The following STK17B variants were observed in gnomAD, a reference collection of about 807,000 sequenced individuals.
STK17B encodes serine/threonine kinase 17b.
A neutral mutation model predicts 42.0 loss-of-function variants in STK17B; 21 were observed. The observed-to-expected ratio is 0.50, with a 90% CI of 0.35 to 0.72. STK17B has a LOEUF of 0.72. Ranked by LOEUF, STK17B falls within the 30% of genes least tolerant of loss-of-function variation. The pLI is 0.00. For missense variants in STK17B, 349 were observed against 446.0 expected (o/e 0.78, Z 1.96); for synonymous variants, 143 against 148.4 (o/e 0.96, Z 0.26).
At chr2:196,152,776 T>C (rs1259688005) in intron 3 of STK17B, among the ~76,000 whole-genome samples, 2 of 152,180 alleles carry the variant, frequency 1.3e-5, no homozygotes, top group African/African-American at 2.4e-5. Context: ...CAAGTTTGCT[T>C]ATATATGCAA....
In STK17B at chr2:196,171,374, G is replaced by A. The variant is rs2105720731; in HGVS notation, c.-86C>T. 2 of 152,540 alleles carry A rather than the reference G, an allele frequency of 1.3e-5. No homozygotes were observed. Among genetic ancestry groups the A allele is most frequent in the Admixed American group, 6.5e-5 (1 of 15,314 alleles). 9.4% of individuals were successfully genotyped at this position (152,540 alleles called of 1,614,324 possible). ...GGTTCTCCCGGGACTGCCCCCTCCA[G>A]GGGGCCGCTGTCCCGCCCCACGCCG... is the stretch of plus-strand genomic sequence containing the variant. On this transcript the variant is annotated 5_prime_UTR_variant, in exon 1 of 8. Transcript: ENST00000263955.
chr2:196,158,357 T>C (rs1699766254), intron 2 of STK17B, among the ~76,000 whole-genome samples: 1 of 152,224 alleles, frequency 6.6e-6, no homozygotes, highest in Non-Finnish European at 1.5e-5. Flanking sequence ...AACTATAATT[T>C]GACTCTTCTA....
intron 1 of STK17B, among the ~76,000 whole-genome samples, chr2:196,170,559 A>C (rs1699926924): frequency 6.6e-6 from 1 of 152,322 alleles, no homozygotes; most frequent in African/African-American, 2.4e-5. Context: ...GCCTCTTTCA[A>C]CTTTGTCTCT....
In STK17B at chr2:196,139,581, A is replaced by G. The variant is rs1479187452; in HGVS notation, c.836+39T>C. On this transcript the variant is annotated intron_variant, in intron 7 of 7. Coordinates refer to ENST00000263955, the MANE Select transcript of STK17B (RefSeq NM_004226.4). ...TTATTCTGTAATAGTATTTAAACAA[A>G]TTAAATTTGTAATAGTATTTAAACA... is the stretch of plus-strand genomic sequence containing the variant. The G allele has an allele frequency of 5.6e-6, 7 of 1,257,164 alleles. No individual in the cohort carries two copies. In the South Asian group the frequency reaches 2.0e-4, roughly 36 times the overall value. 77.9% of individuals were successfully genotyped at this position (1,257,164 alleles called of 1,614,324 possible). A position where few individuals can be genotyped will look rare whatever the true frequency, so the allele number is the denominator to read the frequency against.
intron 7 of STK17B, 116 bp from the exon 8 acceptor site, chr2:196,137,845 A>G: frequency 8.6e-7 from 1 of 1,163,882 alleles, no homozygotes; most frequent in South Asian, 1.6e-5. Flanking sequence ...ACATACTCAT[A>G]GTATAAAATC....
intron 1 of STK17B, among the ~76,000 whole-genome samples, chr2:196,165,245 A>G (rs1699862662): frequency 6.6e-6 from 1 of 152,212 alleles, no homozygotes; most frequent in Non-Finnish European, 1.5e-5. Flanking sequence ...GAAGGCAGCC[A>G]TCTACAAGCC....
At position 196,171,415 on chromosome 2, in the gene STK17B, C is replaced by G. The variant is rs1468510314; in HGVS notation, c.-127G>C. ...CCCCACGCCGGGGGCCGCCACAGGA[C>G]GAGTTCTCTAGCTCCAGCCGGGCGA... On this transcript the variant is annotated 5_prime_UTR_variant, in exon 1 of 8. Coordinates refer to ENST00000263955, the MANE Select transcript of STK17B (RefSeq NM_004226.4). 1 of 152,386 alleles carries G rather than the reference C, an allele frequency of 6.6e-6. No homozygotes were observed. Among genetic ancestry groups the G allele is most frequent in the Non-Finnish European group, 1.5e-5 (1 of 68,206 alleles). 9.4% of individuals were successfully genotyped at this position (152,386 alleles called of 1,614,324 possible). A position where few individuals can be genotyped will look rare whatever the true frequency, so the allele number is the denominator to read the frequency against.
At position 196,138,520 on chromosome 2, in the gene STK17B, G is replaced by A. The variant is rs4850666; in HGVS notation, c.837-791C>T. 0.02 allele frequency among the ~76,000 whole-genome samples: 2,990 copies of A among 151,832 alleles called. 258 individuals carry two copies. In the East Asian group the frequency reaches 0.27, roughly 14 times the overall value. ...GGATGAGTTACTAGTAAAGCTAGTG[G>A]GTCTTTATATTTTGAAAGACGGTGC... is the stretch of plus-strand genomic sequence containing the variant. On this transcript the variant is annotated intron_variant, in intron 7 of 7. Transcript: ENST00000263955.
At chr2:196,141,180 C>A in intron 6 of STK17B, 69 bp downstream of exon 6, 1 of 1,201,046 alleles carries the variant, frequency 8.3e-7, no homozygotes, top group South Asian at 1.4e-5. Context: ...CTCTTGGAGT[C>A]AAAGAACCCC....
At chr2:196,166,760 G>T (rs1699878682) in intron 1 of STK17B, among the ~76,000 whole-genome samples, 1 of 152,150 alleles carries the variant, frequency 6.6e-6, no homozygotes, top group Non-Finnish European at 1.5e-5. Context: ...AATGCAGAAA[G>T]CAAGTGTGAT....
intron 1 of STK17B, 94 bp downstream of exon 1, chr2:196,171,239 C>T (rs914785568): frequency 1.3e-5 from 2 of 152,290 alleles, no homozygotes; most frequent in African/African-American, 4.8e-5. Flanking sequence ...AAACCCTCCT[C>T]GGGTCCTCCT....
intron 3 of STK17B, chr2:196,154,775 T>C (rs1699717026): frequency 6.6e-6 from 1 of 152,214 alleles, no homozygotes; most frequent in African/African-American, 2.4e-5. Flanking sequence ...GACTACTAAA[T>C]GTGACAATGC....
At position 196,143,687 on chromosome 2, in the gene STK17B, C is replaced by T; in HGVS notation, c.481-1G>A. 1 of 1,501,132 alleles carries T rather than the reference C, an allele frequency of 6.7e-7. No homozygotes were observed. Among genetic ancestry groups the T allele is most frequent in the Non-Finnish European group, 8.9e-7 (1 of 1,124,202 alleles). 93.0% of individuals were successfully genotyped at this position (1,501,132 alleles called of 1,614,324 possible). The stretch of plus-strand genomic sequence containing the variant: ...TGCTGCTCAGTAATATATTCTGTGG[C>T]TAAACAAAGTACAACAAAAACATGA... On this transcript the variant is annotated splice_acceptor_variant, in intron 4 of 7. Coordinates refer to ENST00000263955, the MANE Select transcript of STK17B (RefSeq NM_004226.4). LOFTEE classifies it high-confidence loss of function.
At chr2:196,176,212 G>C (rs1456691454), upstream of STK17B, 2 of 152,158 alleles carry the variant, frequency 1.3e-5, no homozygotes, top group Non-Finnish European at 2.9e-5. Flanking sequence ...GGTTTCATCT[G>C]TCAGCTCTCT....
chr2:196,156,794 G>T, intron 2 of STK17B, 143 bp from the exon 3 acceptor site: 3 of 689,144 alleles, frequency 4.4e-6, no homozygotes, highest in Non-Finnish European at 7.2e-6. Context: ...TCTCTAAATT[G>T]ATTCAAATAT....
At chr2:196,150,214 A>G (rs1448280952) in intron 3 of STK17B, among the ~76,000 whole-genome samples, 3 of 151,734 alleles carry the variant, frequency 2.0e-5, no homozygotes, top group Non-Finnish European at 1.5e-5. Context: ...GACAAAAAAG[A>G]AAAAGAAAAA....
upstream of STK17B, among the ~76,000 whole-genome samples, chr2:196,172,197 C>T (rs1036237027): frequency 1.3e-5 from 2 of 152,172 alleles, no homozygotes; most frequent in Non-Finnish European, 2.9e-5. Context: ...GAGGCACTGA[C>T]TGAAGGCAGT....
At chr2:196,175,671 T>G (rs1469624493), upstream of STK17B, among the ~76,000 whole-genome samples, 1 of 152,230 alleles carries the variant, frequency 6.6e-6, no homozygotes, top group Non-Finnish European at 1.5e-5. Flanking sequence ...AGTATCAGTT[T>G]CTTAATATAA....
At chr2:196,137,804 A>G in intron 7 of STK17B, 75 bp from the exon 8 acceptor site, 1 of 1,485,978 alleles carries the variant, frequency 6.7e-7, no homozygotes, top group Non-Finnish European at 9.0e-7. Flanking sequence ...GATAGATTAT[A>G]GACATATTTT....
Sources: gnomAD v4.1 joint callset for allele counts (sites outside exome capture counted in the v4.1 genomes callset) on GRCh38, gnomAD v4.1.1 for gene constraint, MANE v1.5 for transcripts, NCBI Gene and HGNC (gene_info 2026-07-23, HGNC 2026-07-21) for gene names.